ZNF467: variants seen among roughly 807,000 people sequenced by gnomAD.
ZNF467 encodes zinc finger protein 467, also known as zinc finger protein EZI.
ZNF467 carries 51 observed loss-of-function variants against 47.8 expected under a neutral mutation model. The observed-to-expected ratio is 1.07, with a 90% CI of 0.85 to 1.35. The LOEUF is 1.35. Among genes scored for constraint, ZNF467 ranks in the 40% most tolerant of loss-of-function variants. The pLI is 0.00. For synonymous variants in ZNF467, 416 were observed against 372.9 expected, an observed-to-expected ratio of 1.12 and a Z score of -1.33; for missense variants, 992 against 858.1, an observed-to-expected ratio of 1.16 and a Z score of -1.95.
In ZNF467 at chr7:149,769,228, C is replaced by A; in HGVS notation, c.152-28G>T. On this transcript the variant is annotated intron_variant, in intron 3 of 4. Transcript: ENST00000302017. The surrounding 1 kb of genome is among the most constrained non-coding windows in gnomAD (Gnocchi z 5.3). ...GGCAGAGAATAGGATACCTCAAGGA[C>A]TCTGGAGACATCACAGATGGCCAAA... 1 of 1,530,564 alleles carries A rather than the reference C, an allele frequency of 6.5e-7. No individual in the cohort carries two copies. The allele number at this position is 1,530,564 out of a possible 1,614,324, so 94.8% of individuals were successfully genotyped here. A position where few individuals can be genotyped will look rare whatever the true frequency, so the allele number is the denominator to read the frequency against.
chr7:149,770,161 G>A (rs979398973), intron 3 of ZNF467, among the ~76,000 whole-genome samples: 3 of 150,028 alleles, frequency 2.0e-5, no homozygotes, highest in Admixed American at 1.3e-4. Flanking sequence ...ACATAGTTTA[G>A]AAATTTCCTT....
rs546932790 is a variant in ZNF467 at position 149,770,619 on chromosome 7, G to A, written c.35-63C>T. 62 of 1,421,030 alleles carry A rather than the reference G, an allele frequency of 4.4e-5. No homozygotes were observed. In the South Asian group the frequency reaches 4.8e-4, roughly 11 times the overall value. 88.0% of individuals were successfully genotyped at this position (1,421,030 alleles called of 1,614,324 possible). On this transcript the variant is annotated intron_variant, in intron 2 of 4. Coordinates refer to ENST00000302017, the MANE Select transcript of ZNF467 (RefSeq NM_207336.3). ...CAGTACAGAACAAGTAATCAGAGGC[G>A]GGGGCTGTTCCCCTTCCCAGCCTGC...
chr7:149,775,931 G>C (rs79158735), upstream of ZNF467: 27,203 of 820,600 alleles, frequency 0.033, 1,393 homozygotes, highest in African/African-American at 0.19. Flanking sequence ...CTGCGGGGAG[G>C]CTGCGTGGGG....
At chr7:149,775,900 C>T (rs1799561598), upstream of ZNF467, 1 of 547,996 alleles carries the variant, frequency 1.8e-6, no homozygotes, top group South Asian at 1.6e-5. Context: ...CCCCCCACAG[C>T]CCCCAGAACT....
upstream of ZNF467, chr7:149,776,427 C>T (rs763880978): frequency 5.9e-6 from 8 of 1,356,398 alleles, no homozygotes; most frequent in East Asian, 3.3e-4. Context: ...CCTGTGCCAG[C>T]CTCGACCATT....
chr7:149,776,073 C>T (rs763081613), upstream of ZNF467: 15 of 1,365,122 alleles, frequency 1.1e-5, no homozygotes, highest in Middle Eastern at 4.4e-4. Context: ...TTTGGGATGG[C>T]GTGGGCCCTG....
At chr7:149,771,650 C>T (rs890173262) in intron 1 of ZNF467, among the ~76,000 whole-genome samples, 2 of 152,034 alleles carry the variant, frequency 1.3e-5, no homozygotes, top group Non-Finnish European at 2.9e-5. Context: ...TGCCGGGCTG[C>T]CCAAGGCCCG....
In ZNF467 at chr7:149,770,504, T is replaced by C. The variant is rs767506206; in HGVS notation, c.87A>G (p.Gly29=). The C allele has an allele frequency of 1.9e-6, 3 of 1,613,794 alleles. No individual in the cohort carries two copies. Among genetic ancestry groups the C allele is most frequent in the Non-Finnish European group, 2.5e-6 (3 of 1,179,902 alleles). ...ACATCTGCTCCTGGGCATTATGGGA[T>C]CCTTCCCTGGGCTCACTTTGGGGGG... is the stretch of plus-strand genomic sequence containing the variant. ...EMAPQSEPRE[G]SHNAQEQMSS... The change falls in exon 3 of 5, where the codon GGA becomes GGG. Residue 29 remains glycine (G), a synonymous_variant. Coordinates refer to ENST00000302017, the MANE Select transcript of ZNF467 (RefSeq NM_207336.3).
Position 149,765,519 on chromosome 7 carries a change from G to A in ZNF467, c.983C>T (p.Ala328Val), listed in dbSNP as rs374414153. ...AGCGGACGAGTCGGGAGAGGGCCTG[G>A]CCGGGCCGGCCGTCTGGTGCACCCT... Reference protein sequence around the residue: ...HQRVHQTAGPARPSPDSSASP... With the variant: ...HQRVHQTAGPVRPSPDSSASP... Residue 328 changes from alanine to valine, a missense_variant, in exon 5 of 5, where the codon GCC becomes GTC. Transcript: ENST00000302017. The A allele has an allele frequency of 1.3e-6, 2 of 1,577,642 alleles. No individual in the cohort carries two copies. Among genetic ancestry groups the A allele is most frequent in the Non-Finnish European group, 1.7e-6 (2 of 1,162,084 alleles).
chr7:149,769,250 C>A lies in ZNF467; in HGVS notation c.152-50G>T. 1.4e-6 allele frequency: 2 copies of A among 1,475,448 alleles called. No homozygotes were observed. The highest frequency in any genetic ancestry group is 1.3e-5 in the South Asian group (1 of 76,488). 91.4% of individuals were successfully genotyped at this position (1,475,448 alleles called of 1,614,324 possible). A position where few individuals can be genotyped will look rare whatever the true frequency, so the allele number is the denominator to read the frequency against. ...GGACTCTGGAGACATCACAGATGGC[C>A]AAAGGGCCCCACTGGTGCTGGGAAG... On this transcript the variant is annotated intron_variant, in intron 3 of 4. Coordinates refer to ENST00000302017, the MANE Select transcript of ZNF467 (RefSeq NM_207336.3). This position sits in a 1 kb window ranked among gnomAD's most constrained non-coding sequence, Gnocchi z 5.3.
In ZNF467 at chr7:149,766,046, C is replaced by T; in HGVS notation, c.456G>A (p.Trp152Ter). Residue 152 changes from tryptophan to a stop codon, truncating the protein, a stop_gained, in exon 5 of 5, where the codon TGG becomes TGA. Coordinates refer to ENST00000302017, the MANE Select transcript of ZNF467 (RefSeq NM_207336.3). LOFTEE classifies it high-confidence loss of function. Reference sequence around the variant, plus strand: ...CGTAGGGCTTCTCCGGCATCGGACCCCACCCAGACAGCGCGAGCCCACTCA... The same window carrying T: ...CGTAGGGCTTCTCCGGCATCGGACCTCACCCAGACAGCGCGAGCCCACTCA... ...GALSGLALSG[W>*]GPMPEKPYGC... 1.9e-6 allele frequency: 3 copies of T among 1,602,108 alleles called. No individual in the cohort carries two copies. The highest frequency in any genetic ancestry group is 1.7e-6 in the Non-Finnish European group (2 of 1,174,272).
chr7:149,776,096 G>A (rs375852385), upstream of ZNF467: 1 of 1,364,142 alleles, frequency 7.3e-7, no homozygotes. Flanking sequence ...TGACGGGTAA[G>A]CAGCCCACCC....
intron 1 of ZNF467, among the ~76,000 whole-genome samples, chr7:149,771,428 GAGGGTGGGAGCCC>G (rs1799402868): frequency 6.6e-6 from 1 of 152,166 alleles, no homozygotes; most frequent in Non-Finnish European, 1.5e-5. Context: ...GGAGAGGCTT[GAGGGTGGGAGCCC>G]AGGGTGGGGA....
chr7:149,770,478 G>A lies in ZNF467; in HGVS notation c.113C>T (p.Ser38Phe), dbSNP rs1300946041. ...EGSHNAQEQM[S>F]SSREERALGV... ...CAGTGCTCTCTCTTCCCTAGAAGAG[G>A]ACATCTGCTCCTGGGCATTATGGGA... The change falls in exon 3 of 5, where the codon TCC (serine) becomes TTC (phenylalanine). Residue 38 changes from serine to phenylalanine, a missense_variant. Coordinates refer to ENST00000302017, the MANE Select transcript of ZNF467 (RefSeq NM_207336.3). The A allele has an allele frequency of 6.2e-7, 1 of 1,613,730 alleles. No individual in the cohort carries two copies. Among genetic ancestry groups the A allele is most frequent in the Non-Finnish European group, 8.5e-7 (1 of 1,179,866 alleles).
upstream of ZNF467, among the ~76,000 whole-genome samples, chr7:149,774,290 T>C (rs1799517852): frequency 6.6e-6 from 1 of 152,172 alleles, no homozygotes; most frequent in Non-Finnish European, 1.5e-5. This position sits in a 1 kb window ranked among gnomAD's most constrained non-coding sequence, Gnocchi z 5.7. Flanking sequence ...TTGTTCCCGC[T>C]GCGCCCACTC....
At chr7:149,776,128 C>T, upstream of ZNF467, 1 of 1,341,334 alleles carries the variant, frequency 7.5e-7, no homozygotes, top group South Asian at 1.2e-5. Flanking sequence ...GACAAGGGTC[C>T]TCCTTCTGCC....
upstream of ZNF467, chr7:149,776,342 G>T (rs1404552496): frequency 4.4e-6 from 6 of 1,359,910 alleles, no homozygotes; most frequent in South Asian, 6.9e-5. Flanking sequence ...CCCATCATGG[G>T]CAGGCGGTGG....
At chr7:149,776,166 A>G, upstream of ZNF467, 1 of 1,207,408 alleles carries the variant, frequency 8.3e-7, no homozygotes, top group Non-Finnish European at 1.1e-6. Context: ...CTGGGGCATC[A>G]GACTCCGTGC....
At chr7:149,767,405 C>T (rs1799257087) in intron 4 of ZNF467, among the ~76,000 whole-genome samples, 1 of 152,264 alleles carries the variant, frequency 6.6e-6, no homozygotes, top group Non-Finnish European at 1.5e-5. Flanking sequence ...TTCCATCACA[C>T]GTGGACTTCC....
Sources: gnomAD v4.1 joint callset for allele counts (sites outside exome capture counted in the v4.1 genomes callset) on GRCh38, gnomAD v4.1.1 for gene constraint, Gnocchi (gnomAD v3.1) non-coding constraint, MANE v1.5 for transcripts, NCBI Gene and HGNC (gene_info 2026-07-23, HGNC 2026-07-21) for gene names.